PTPRA: variants seen among roughly 807,000 people sequenced by gnomAD.
PTPRA encodes the protein receptor-type tyrosine-protein phosphatase alpha.
In PTPRA, 25 loss-of-function variants were observed where a neutral mutation model predicts 104.8. The observed-to-expected ratio is 0.24, with a 90% CI of 0.17 to 0.33. The LOEUF (loss-of-function observed/expected upper bound fraction) is 0.33. Ranked by LOEUF, PTPRA falls within the 10% of genes least tolerant of loss-of-function variation. The pLI is 1.00. For synonymous variants in PTPRA, 323 were observed against 368.9 expected (o/e 0.88, Z 1.43); for missense variants, 765 against 1,015.3 (o/e 0.75, Z 3.35).
chr20:2,935,596 A>T (rs1051935226), intron 2 of PTPRA, among the ~76,000 whole-genome samples: 5 of 152,204 alleles, frequency 3.3e-5, no homozygotes, highest in African/African-American at 1.2e-4. Context: ...GTTTAGAGAC[A>T]GGGTCTCGCT....
intron 1 of PTPRA, among the ~76,000 whole-genome samples, chr20:2,893,490 A>G (rs1378412296): frequency 6.6e-6 from 1 of 152,232 alleles, no homozygotes; most frequent in Non-Finnish European, 1.5e-5. Flanking sequence ...GAAATATTTA[A>G]TCTTAGCTGT....
chr20:2,947,668 G>A (rs1320707007), intron 2 of PTPRA, among the ~76,000 whole-genome samples: 2 of 152,196 alleles, frequency 1.3e-5, no homozygotes, highest in Non-Finnish European at 2.9e-5. Context: ...AGAGTGCACA[G>A]TGGACTGTGT....
intron 2 of PTPRA, among the ~76,000 whole-genome samples, chr20:2,928,119 T>G (rs993989753): frequency 3.3e-5 from 5 of 151,876 alleles, no homozygotes; most frequent in Non-Finnish European, 7.4e-5. Context: ...GTATCCGTTT[T>G]TTGTTGTTGT....
chr20:3,010,080 C>A (rs1290524490), intron 11 of PTPRA, among the ~76,000 whole-genome samples: 1 of 151,878 alleles, frequency 6.6e-6, no homozygotes, highest in Admixed American at 6.6e-5. Flanking sequence ...GAACTCTGAG[C>A]CTCAAGTGAT....
At chr20:2,886,896 A>T (rs2090422804) in intron 1 of PTPRA, among the ~76,000 whole-genome samples, 1 of 122,688 alleles carries the variant, frequency 8.2e-6, no homozygotes, top group African/African-American at 2.7e-5. Flanking sequence ...AAAAGAAATA[A>T]AAAAATGTAG....
intron 2 of PTPRA, among the ~76,000 whole-genome samples, chr20:2,938,623 T>C (rs2060794981): frequency 1.3e-5 from 2 of 152,226 alleles, no homozygotes; most frequent in Non-Finnish European, 2.9e-5. Context: ...TCATTTCTTT[T>C]CAATCTACTT....
intron 9 of PTPRA, among the ~76,000 whole-genome samples, chr20:3,004,275 C>T (rs2063760953): frequency 1.3e-5 from 2 of 152,206 alleles, no homozygotes; most frequent in Admixed American, 1.3e-4. Context: ...GCCTCAGCCT[C>T]CCAAAGTGCT....
chr20:2,905,082 A>G lies in PTPRA; in HGVS notation c.-128-18125A>G, dbSNP rs542954492. ...AGATCAGCAGCAGCATTAGATTTTC[A>G]TAGGAGCACAAACCCTACTGCGAAC... On this transcript the variant is annotated intron_variant, in intron 1 of 23. Coordinates refer to ENST00000399903, the MANE Select transcript of PTPRA (RefSeq NM_001385305.1). 3.3e-5 allele frequency among the ~76,000 whole-genome samples: 5 copies of G among 152,274 alleles called. No homozygotes were observed. The East Asian group carries it at 9.6e-4, about 29-fold the overall frequency.
intron 1 of PTPRA, among the ~76,000 whole-genome samples, chr20:2,917,072 C>T (rs904483802): frequency 2.6e-5 from 4 of 151,244 alleles, no homozygotes; most frequent in Non-Finnish European, 4.4e-5. Flanking sequence ...ATTCTCCTGC[C>T]TCAGCCTCCC....
At chr20:2,997,692 G>A (rs1218491171) in intron 9 of PTPRA, among the ~76,000 whole-genome samples, 1 of 152,078 alleles carries the variant, frequency 6.6e-6, no homozygotes, top group Non-Finnish European at 1.5e-5. Context: ...GAGCTTTTTT[G>A]TTCACCAGCA....
chr20:2,914,463 G>A (rs569906754), intron 1 of PTPRA, among the ~76,000 whole-genome samples: 2 of 152,006 alleles, frequency 1.3e-5, no homozygotes, highest in Admixed American at 1.3e-4. Flanking sequence ...GTGTGTGTGT[G>A]TGTGTGTGTG....
Position 2,881,422 on chromosome 20 carries a change from A to G in PTPRA, c.-129+7662A>G, listed in dbSNP as rs533114503. Reference sequence around the variant, plus strand: ...AATTTGGAACATAAAAAGAACCTCTACATTTTTTTTGCAGTGATGTTTAAA... The same window carrying G: ...AATTTGGAACATAAAAAGAACCTCTGCATTTTTTTTGCAGTGATGTTTAAA... On this transcript the variant is annotated intron_variant, in intron 1 of 23. Transcript: ENST00000399903. Among the ~76,000 whole-genome samples the G allele has an allele frequency of 4.6e-5, 7 of 152,332 alleles. 1 individual carries two copies. The South Asian group carries it at 1.2e-3, about 27-fold the overall frequency.
the PTPRA span, chr20:2,865,371 A>G: frequency 2.0e-4 from 326 of 1,613,876 alleles, 1 homozygote; most frequent in Non-Finnish European, 2.7e-4. The surrounding 1 kb of genome is among the most constrained non-coding windows in gnomAD (Gnocchi z 5.2). Context: ...CCTCTCCTGC[A>G]ACACCTCCAA....
At chr20:3,002,595 G>A (rs967023120) in intron 9 of PTPRA, among the ~76,000 whole-genome samples, 6 of 152,096 alleles carry the variant, frequency 3.9e-5, no homozygotes, top group Non-Finnish European at 8.8e-5. Flanking sequence ...CCAAAGTGCT[G>A]GGATTACAGG....
intron 22 of PTPRA, among the ~76,000 whole-genome samples, chr20:3,036,446 G>C (rs1373438653): frequency 6.6e-6 from 1 of 152,244 alleles, no homozygotes; most frequent in Non-Finnish European, 1.5e-5. Context: ...GGCCAGGGCC[G>C]GGAGAGGATG....
chr20:2,940,067 G>T (rs1391794147), intron 2 of PTPRA, among the ~76,000 whole-genome samples: 1 of 152,216 alleles, frequency 6.6e-6, no homozygotes, highest in African/African-American at 2.4e-5. Context: ...CTGAGATCGC[G>T]CCACTGCGCT....
intron 11 of PTPRA, among the ~76,000 whole-genome samples, chr20:3,013,021 C>T (rs2064251066): frequency 6.6e-6 from 1 of 152,138 alleles, no homozygotes; most frequent in South Asian, 2.1e-4. Context: ...CAGCCCATCA[C>T]CAATTTTAGA....
At chr20:2,994,498 A>G (rs2063321745) in intron 9 of PTPRA, among the ~76,000 whole-genome samples, 1 of 152,220 alleles carries the variant, frequency 6.6e-6, no homozygotes, top group Non-Finnish European at 1.5e-5. Flanking sequence ...CCCTTCCACT[A>G]GCATCTCACG....
intron 13 of PTPRA, 41 bp from the exon 14 acceptor site, chr20:3,021,267 AG>A (rs1294608927): frequency 8.7e-6 from 14 of 1,611,300 alleles, no homozygotes; most frequent in Non-Finnish European, 1.1e-5. Context: ...TGCCATGGGC[AG>A]GAGGTCTAAG....
Sources: gnomAD v4.1 joint callset for allele counts (sites outside exome capture counted in the v4.1 genomes callset) on GRCh38, gnomAD v4.1.1 for gene constraint, Gnocchi (gnomAD v3.1) non-coding constraint, MANE v1.5 for transcripts, NCBI Gene and HGNC (gene_info 2026-07-23, HGNC 2026-07-21) for gene names.